Variants in TMEM131 observed in about 807,000 individuals in gnomAD.
TMEM131 encodes the protein 2610524E03Rik.
In TMEM131, 66 loss-of-function variants were observed where a neutral mutation model predicts 211.6. The ratio of observed to expected loss-of-function variants is 0.31; its 90% CI spans 0.26 to 0.38. TMEM131 has a LOEUF of 0.38. Ranked by LOEUF, TMEM131 falls within the 10% of genes least tolerant of loss-of-function variation. TMEM131 has a pLI of 1.00. For missense variants in TMEM131, 2,036 were observed against 2,299.3 expected, an observed-to-expected ratio of 0.89 and a Z score of 2.34; for synonymous variants, 844 against 841.3, an observed-to-expected ratio of 1.00 and a Z score of -0.06.
intron 31 of TMEM131, among the ~76,000 whole-genome samples, chr2:97,777,676 T>G (rs1316263055): frequency 6.6e-6 from 1 of 152,158 alleles, no homozygotes; most frequent in Non-Finnish European, 1.5e-5. Flanking sequence ...CAAGAAGTGT[T>G]AGATCTGAAA....
intron 1 of TMEM131, among the ~76,000 whole-genome samples, chr2:97,953,782 A>G (rs1416296218): frequency 6.6e-6 from 1 of 152,200 alleles, no homozygotes; most frequent in Non-Finnish European, 1.5e-5. Flanking sequence ...CAACTATTTT[A>G]AAATAATTAA....
chr2:97,793,669 C>G (rs755177811), intron 29 of TMEM131, 116 bp from the exon 30 acceptor site: 10 of 1,070,806 alleles, frequency 9.3e-6, no homozygotes, highest in Non-Finnish European at 1.3e-5. Flanking sequence ...AATAGAAAAC[C>G]AAGTTGTCTG....
rs548200834 is a variant in TMEM131 at position 97,819,724 on chromosome 2, T to C, written c.1075-1003A>G. 5.1e-4 allele frequency among the ~76,000 whole-genome samples: 78 copies of C among 152,332 alleles called. 1 individual carries two copies. Among genetic ancestry groups the C allele is most frequent in the African/African-American group, 1.8e-3 (74 of 41,578 alleles). ...TTGAATTATGAAGGGCTTTAAAAAC[T>C]TGTCAAAGCCTGCTATTTCCCGGAG... On this transcript the variant is annotated intron_variant, in intron 11 of 40. Transcript: ENST00000186436.
intron 7 of TMEM131, among the ~76,000 whole-genome samples, chr2:97,841,434 C>T (rs1192737912): frequency 6.6e-6 from 1 of 152,172 alleles, no homozygotes; most frequent in Non-Finnish European, 1.5e-5. Flanking sequence ...TTTATTATTT[C>T]CAGAAATAAA....
At chr2:97,937,682 A>T (rs1052114292) in intron 1 of TMEM131, among the ~76,000 whole-genome samples, 2 of 152,220 alleles carry the variant, frequency 1.3e-5, no homozygotes, top group Non-Finnish European at 2.9e-5. Flanking sequence ...CGTGAACCTA[A>T]CAAGAGAGCT....
chr2:97,851,308 C>T (rs572420966), intron 5 of TMEM131, among the ~76,000 whole-genome samples: 30 of 152,198 alleles, frequency 2.0e-4, no homozygotes, highest in African/African-American at 6.7e-4. Context: ...CTCTGAAACC[C>T]GTTCTACCCT....
intron 4 of TMEM131, among the ~76,000 whole-genome samples, chr2:97,884,747 T>C (rs1438832425): frequency 6.6e-6 from 1 of 152,240 alleles, no homozygotes; most frequent in Admixed American, 6.5e-5. Context: ...TCCTGCTGGC[T>C]TTTGGTTTCC....
chr2:97,808,840 A>G (rs1573392429), intron 19 of TMEM131, among the ~76,000 whole-genome samples: 1 of 152,176 alleles, frequency 6.6e-6, no homozygotes, highest in East Asian at 1.9e-4. Context: ...AGAAATCTTC[A>G]GAGAGGAGAT....
At chr2:97,977,342 G>A (rs185238715) in intron 1 of TMEM131, among the ~76,000 whole-genome samples, 2 of 152,162 alleles carry the variant, frequency 1.3e-5, no homozygotes, top group East Asian at 3.9e-4. Context: ...ATAAAACATG[G>A]GCAAAAGATG....
At chr2:97,793,838 C>CA (rs1436101916) in intron 29 of TMEM131, among the ~76,000 whole-genome samples, 3 of 151,098 alleles carry the variant, frequency 2.0e-5, no homozygotes, top group African/African-American at 4.9e-5. Context: ...ACTAAAAATA[C>CA]AAAAAATTAG....
chr2:97,927,375 C>A (rs771129746), intron 2 of TMEM131, 51 bp downstream of exon 2: 5 of 1,324,048 alleles, frequency 3.8e-6, no homozygotes, highest in Admixed American at 4.7e-5. Flanking sequence ...AAATAATAAC[C>A]AGATATTATT....
At chr2:97,920,606 C>A (rs925715318) in intron 2 of TMEM131, among the ~76,000 whole-genome samples, 1 of 152,068 alleles carries the variant, frequency 6.6e-6, no homozygotes, top group Admixed American at 6.6e-5. Context: ...GGATACACAG[C>A]AAATATATTA....
At chr2:97,866,784 G>C (rs1674288601) in intron 4 of TMEM131, among the ~76,000 whole-genome samples, 1 of 151,982 alleles carries the variant, frequency 6.6e-6, no homozygotes, top group South Asian at 2.1e-4. Flanking sequence ...AGACTTTTTT[G>C]ATTTCCAATT....
chr2:97,961,489 G>C (rs1398371162), intron 1 of TMEM131, among the ~76,000 whole-genome samples: 2 of 152,178 alleles, frequency 1.3e-5, no homozygotes, highest in Non-Finnish European at 2.9e-5. Flanking sequence ...ATTCTCACCA[G>C]TTTGATTAGA....
intron 2 of TMEM131, among the ~76,000 whole-genome samples, chr2:97,911,460 T>A (rs985988248): frequency 3.3e-5 from 5 of 152,204 alleles, no homozygotes; most frequent in African/African-American, 1.2e-4. Context: ...ACATCAATAA[T>A]GGTTATGACA....
At chr2:97,777,660 T>G (rs927827658) in intron 31 of TMEM131, among the ~76,000 whole-genome samples, 1 of 152,234 alleles carries the variant, frequency 6.6e-6, no homozygotes, top group South Asian at 2.1e-4. Flanking sequence ...TATTGCACAC[T>G]GATTACAAGA....
chr2:97,897,274 C>A (rs1054361579), intron 3 of TMEM131, among the ~76,000 whole-genome samples: 2 of 151,910 alleles, frequency 1.3e-5, no homozygotes, highest in African/African-American at 4.8e-5. Context: ...ATTTCTGTTT[C>A]TTGTCTTAAT....
At chr2:97,908,275 G>A (rs1317201210) in intron 3 of TMEM131, among the ~76,000 whole-genome samples, 1 of 152,160 alleles carries the variant, frequency 6.6e-6, no homozygotes, top group Non-Finnish European at 1.5e-5. Flanking sequence ...GGTTTCGCAG[G>A]TCTGAGATCC....
intron 1 of TMEM131, among the ~76,000 whole-genome samples, chr2:97,933,612 T>C (rs886566709): frequency 2.0e-5 from 3 of 152,078 alleles, no homozygotes; most frequent in African/African-American, 7.2e-5. Context: ...TTATGCTACA[T>C]ACATGTTATT....
Sources: gnomAD v4.1 joint callset for allele counts (sites outside exome capture counted in the v4.1 genomes callset) on GRCh38, gnomAD v4.1.1 for gene constraint, MANE v1.5 for transcripts, NCBI Gene and HGNC (gene_info 2026-07-23, HGNC 2026-07-21) for gene names.